MYC: variants seen among roughly 807,000 people sequenced by gnomAD.
MYC encodes myc proto-oncogene protein.
Under a neutral mutation model 30.5 loss-of-function variants are expected in MYC, and 1 was observed. That is an observed-to-expected ratio of 0.03 (90% CI 0.01 to 0.16). The LOEUF (loss-of-function observed/expected upper bound fraction) is 0.16. MYC is among the 10% of genes least tolerant of loss of function. MYC has a pLI of 1.00. For missense variants in MYC, 508 were observed against 589.0 expected (o/e 0.86, Z 1.42); for synonymous variants, 267 against 250.7 (o/e 1.07, Z -0.62).
Position 127,740,622 on chromosome 8 carries a change from C to T in MYC, c.1029C>T (p.Asp343=), listed in dbSNP as rs776379651. ...CTGCTGCCAAGAGGGTCAAGTTGGA[C>T]AGTGTCAGAGTCCTGAGACAGATCA... The change falls in exon 3 of 3, where the codon GAC becomes GAT. Residue 343 remains aspartate, a synonymous_variant. Transcript: ENST00000621592. The T allele has an allele frequency of 1.9e-6, 3 of 1,613,988 alleles. No homozygotes were observed. Among genetic ancestry groups the T allele is most frequent in the Admixed American group, 1.7e-5 (1 of 60,006 alleles).
In MYC at chr8:127,741,012, A is replaced by C. The variant is rs1031845666; in HGVS notation, c.*54A>C. On this transcript the variant is annotated 3_prime_UTR_variant, in exon 3 of 3. Transcript: ENST00000621592. ...ACAGAAATGTCCTGAGCAATCACCT[A>C]TGAACTTGTTTCAAATGCATGATCA... 3.8e-5 allele frequency: 56 copies of C among 1,465,898 alleles called. No individual in the cohort carries two copies. Among genetic ancestry groups the C allele is most frequent in the Admixed American group, 9.5e-5 (4 of 42,304 alleles). 90.8% of individuals were successfully genotyped at this position (1,465,898 alleles called of 1,614,324 possible). A position where few individuals can be genotyped will look rare whatever the true frequency, so the allele number is the denominator to read the frequency against.
rs890805369 is a variant in MYC at position 127,741,565 on chromosome 8, G to A, written c.*607G>A. On this transcript the variant is annotated 3_prime_UTR_variant, in exon 3 of 3. Transcript: ENST00000621592. ...TTCCTCTGTTGAAATGGGTCTGGGGGCCTTAAGGTCTTTAAGTTCTTGGAG... is the reference window on the plus strand; with the variant it reads ...TTCCTCTGTTGAAATGGGTCTGGGGACCTTAAGGTCTTTAAGTTCTTGGAG... The A allele has an allele frequency of 5.5e-6, 1 of 182,938 alleles. No individual in the cohort carries two copies. The highest frequency in any genetic ancestry group is 1.2e-5 in the Non-Finnish European group (1 of 86,908). 11.3% of individuals were successfully genotyped at this position (182,938 alleles called of 1,614,324 possible). A position where few individuals can be genotyped will look rare whatever the true frequency, so the allele number is the denominator to read the frequency against.
chr8:127,737,108 C>T (rs74386365), intron 1 of MYC, among the ~76,000 whole-genome samples: 8 of 152,402 alleles, frequency 5.2e-5, no homozygotes, highest in Admixed American at 2.6e-4. Context: ...TTTCGGCTCA[C>T]CGCATTTCTG....
At chr8:127,736,656 AT>A (rs758079498) in intron 1 of MYC, 33 bp downstream of exon 1, 16 of 1,610,000 alleles carry the variant, frequency 9.9e-6, no homozygotes, top group Middle Eastern at 1.7e-4. Flanking sequence ...CTTTTAATTT[AT>A]TTTTTTATCA....
rs2130104189 is a variant in MYC at position 127,740,600 on chromosome 8, C to A, written c.1007C>A (p.Ala336Asp). 1 of 1,614,046 alleles carries A rather than the reference C, an allele frequency of 6.2e-7. No homozygotes were observed. The highest frequency in any genetic ancestry group is 8.5e-7 in the Non-Finnish European group (1 of 1,180,006). ...CCCTCCACTCGGAAGGACTATCCTG[C>A]TGCCAAGAGGGTCAAGTTGGACAGT... The change falls in exon 3 of 3, where the codon GCT becomes GAT. Residue 336 changes from alanine to aspartate, a missense_variant. Ala to Asp is a moderately radical substitution (Grantham distance 126, BLOSUM62 -2). Transcript: ENST00000621592.
rs757596863 is a variant in MYC, at chr8:127,738,316, G to C, written c.99G>C (p.Ser33=). Residue 33 remains serine (S), a synonymous_variant, in exon 2 of 3, where the codon TCG becomes TCC. Coordinates refer to ENST00000621592, the MANE Select transcript of MYC (RefSeq NM_002467.6). The surrounding 1 kb of genome is among the most constrained non-coding windows in gnomAD (Gnocchi z 7.6). ...GGAACTATGACCTCGACTACGACTC[G>C]GTGCAGCCGTATTTCTACTGCGACG... The C allele has an allele frequency of 1.2e-6, 2 of 1,612,744 alleles. No individual in the cohort carries two copies. Among genetic ancestry groups the C allele is most frequent in the Non-Finnish European group, 1.7e-6 (2 of 1,178,906 alleles).
upstream of MYC, chr8:127,735,680 G>T (rs1485225872): frequency 7.5e-6 from 3 of 398,824 alleles, no homozygotes; most frequent in Non-Finnish European, 1.3e-5. Context: ...CGCGCGTGGC[G>T]TGGCGGTGGG....
At position 127,736,528 on chromosome 8, in the gene MYC, G is replaced by A; in HGVS notation, c.-66G>A. The A allele has an allele frequency of 1.1e-5, 17 of 1,583,336 alleles. No individual in the cohort carries two copies. The highest frequency in any genetic ancestry group is 1.4e-5 in the Non-Finnish European group (16 of 1,154,444). The stretch of plus-strand genomic sequence containing the variant: ...GCGGGGAGGCTATTCTGCCCATTTG[G>A]GGACACTTCCCCGCCGCTGCCAGGA... On this transcript the variant is annotated 5_prime_UTR_variant, in exon 1 of 3. Transcript: ENST00000621592.
In MYC at chr8:127,741,846, G is replaced by A. The variant is rs1182946577; in HGVS notation, c.*888G>A. On this transcript the variant is annotated 3_prime_UTR_variant, in exon 3 of 3. Coordinates refer to ENST00000621592, the MANE Select transcript of MYC (RefSeq NM_002467.6). ...AATTCTGCCCAGTTGATGGGGACAC[G>A]GTGGGAACCAGCTTCTGCTGCCTTC... Among the ~76,000 whole-genome samples the A allele has an allele frequency of 3.3e-5, 5 of 152,314 alleles. No individual in the cohort carries two copies. The highest frequency in any genetic ancestry group is 7.2e-5 in the African/African-American group (3 of 41,564).
Position 127,740,457 on chromosome 8 carries a change from T to C in MYC, c.864T>C (p.Pro288=). ...TTTCTGTGGAAAAGAGGCAGGCTCC[T>C]GGCAAAAGGTCAGAGTCTGGATCAC... The change falls in exon 3 of 3, where the codon CCT becomes CCC. Residue 288 remains proline, a synonymous_variant. Coordinates refer to ENST00000621592, the MANE Select transcript of MYC (RefSeq NM_002467.6). 3.1e-6 allele frequency: 5 copies of C among 1,614,120 alleles called. No individual in the cohort carries two copies. Among genetic ancestry groups the C allele is most frequent in the Non-Finnish European group, 4.2e-6 (5 of 1,180,008 alleles).
intron 2 of MYC, 75 bp from the exon 3 acceptor site, chr8:127,740,321 T>C: frequency 7.0e-7 from 1 of 1,422,534 alleles, no homozygotes; most frequent in Non-Finnish European, 9.6e-7. Context: ...CTTGTATTTG[T>C]ACAGCATTAA....
intron 2 of MYC, among the ~76,000 whole-genome samples, chr8:127,739,654 C>A (rs1813674147): frequency 2.3e-5 from 3 of 130,096 alleles, no homozygotes; most frequent in Admixed American, 7.4e-5. Context: ...GGCAAAACTG[C>A]AATTTTTTTT....
At chr8:127,735,585 C>T (rs1813567618), upstream of MYC, 3 of 399,084 alleles carry the variant, frequency 7.5e-6, no homozygotes, top group Non-Finnish European at 1.3e-5. Context: ...CCCATTAATA[C>T]CCTTCTTTCC....
In MYC at chr8:127,736,279, C is replaced by A. The variant is rs1184516257; in HGVS notation, c.-315C>A. On this transcript the variant is annotated 5_prime_UTR_variant, in exon 1 of 3. Transcript: ENST00000621592. ...AGAGGCAGAGGGAGCGAGCGGGCGG[C>A]CGGCTAGGGTGGAAGAGCCGGGCGA... 12 of 538,226 alleles carry A rather than the reference C, an allele frequency of 2.2e-5. No individual in the cohort carries two copies. The Admixed American group carries it at 4.2e-4, about 19-fold the overall frequency. The allele number at this position is 538,226 out of a possible 1,614,324, so 33.3% of individuals were successfully genotyped here. A position where few individuals can be genotyped will look rare whatever the true frequency, so the allele number is the denominator to read the frequency against.
upstream of MYC, chr8:127,736,035 G>C: frequency 4.3e-6 from 1 of 230,566 alleles, no homozygotes; most frequent in Non-Finnish European, 8.2e-6. Flanking sequence ...TCCGCCCACC[G>C]GCCCTTTATA....
upstream of MYC, chr8:127,736,103 C>T: frequency 2.4e-6 from 1 of 424,784 alleles, no homozygotes; most frequent in South Asian, 8.9e-5. Flanking sequence ...GCCGCCACCG[C>T]CGGGCCCCGG....
At chr8:127,737,660 G>A (rs1005931264) in intron 1 of MYC, among the ~76,000 whole-genome samples, 2 of 150,868 alleles carry the variant, frequency 1.3e-5, no homozygotes, top group Non-Finnish European at 3.0e-5. Context: ...CTGGCAAAAG[G>A]AGTGTTGGAC....
Position 127,736,387 on chromosome 8 carries a change from TC to T in MYC, c.-202del, listed in dbSNP as rs796121384. Reference sequence around the variant, plus strand: ...GCCTCTGGCCCAGCCCTCCCGCTGATCCCCCAGCCAGCGGTCCGCAACCCTT... The same window carrying T: ...GCCTCTGGCCCAGCCCTCCCGCTGATCCCCAGCCAGCGGTCCGCAACCCTT... On this transcript the variant is annotated 5_prime_UTR_variant, in exon 1 of 3. Coordinates refer to ENST00000621592, the MANE Select transcript of MYC (RefSeq NM_002467.6). The T allele has an allele frequency of 1.3e-5, 8 of 615,448 alleles. No individual in the cohort carries two copies. The African/African-American group carries it at 1.5e-4, about 11-fold the overall frequency. 38.1% of individuals were successfully genotyped at this position (615,448 alleles called of 1,614,324 possible). A position where few individuals can be genotyped will look rare whatever the true frequency, so the allele number is the denominator to read the frequency against.
chr8:127,738,626 G>C lies in MYC; in HGVS notation c.409G>C (p.Glu137Gln), dbSNP rs374225230. ...GAGTTTCATCTGCGACCCGGACGAC[G>C]AGACCTTCATCAAAAACATCATCAT... is the stretch of plus-strand genomic sequence containing the variant. The change falls in exon 2 of 3, where the codon GAG becomes CAG. Residue 137 changes from glutamate to glutamine, a missense_variant. Glu to Gln is a conservative substitution (Grantham distance 29, BLOSUM62 2). This residue lies in a region of MYC where 364 missense variants were observed against 381.1 expected (regional missense o/e 0.96). Transcript: ENST00000621592. The surrounding 1 kb of genome is among the most constrained non-coding windows in gnomAD (Gnocchi z 7.6). 3.3e-5 allele frequency: 53 copies of C among 1,612,932 alleles called. No homozygotes were observed. The highest frequency in any genetic ancestry group is 1.3e-4 in the Admixed American group (8 of 59,914).
Sources: gnomAD v4.1 joint callset for allele counts (sites outside exome capture counted in the v4.1 genomes callset) on GRCh38, gnomAD v4.1.1 for gene constraint, gnomAD v4.1.1 regional missense constraint, Gnocchi (gnomAD v3.1) non-coding constraint, MANE v1.5 for transcripts, NCBI Gene and HGNC (gene_info 2026-07-23, HGNC 2026-07-21) for gene names.